Variants in PRKAG2 observed in about 807,000 individuals in gnomAD.
PRKAG2 encodes 5'-AMP-activated protein kinase subunit gamma-2.
Under a neutral mutation model 69.6 loss-of-function variants are expected in PRKAG2, and 26 were observed. The observed-to-expected ratio is 0.37, with a 90% CI of 0.27 to 0.52. PRKAG2 has a LOEUF of 0.52. Among genes scored for constraint, PRKAG2 ranks in the 20% least tolerant of loss-of-function variants. The probability of loss-of-function intolerance (pLI) is 0.90; values close to 1 mark genes in which losing one functional copy is unlikely to be tolerated. For missense variants in PRKAG2, 557 were observed against 740.0 expected (o/e 0.75, Z 2.87); for synonymous variants, 293 against 285.0 (o/e 1.03, Z -0.28).
At chr7:151,810,743 C>T (rs1332997307) in intron 1 of PRKAG2, 1 of 153,758 alleles carries the variant, frequency 6.5e-6, no homozygotes, top group Non-Finnish European at 1.5e-5. Flanking sequence ...AGATGGCAGA[C>T]TCCCTAAAAG....
chr7:151,589,942 A>G (rs1812651337), intron 6 of PRKAG2, among the ~76,000 whole-genome samples: 1 of 152,082 alleles, frequency 6.6e-6, no homozygotes, highest in South Asian at 2.1e-4. Context: ...CTTTAAAAAA[A>G]AGAAGAAGAA....
intron 3 of PRKAG2, among the ~76,000 whole-genome samples, chr7:151,726,199 C>T (rs73484158): frequency 0.028 from 4,295 of 152,138 alleles, 195 homozygotes; most frequent in African/African-American, 0.099. Flanking sequence ...TCAGAGGAAC[C>T]GAGGGCTTCA....
chr7:151,722,430 A>C (rs1273549925), intron 3 of PRKAG2, among the ~76,000 whole-genome samples: 1 of 152,166 alleles, frequency 6.6e-6, no homozygotes, highest in East Asian at 1.9e-4. Flanking sequence ...TGCCATTGGC[A>C]TCCTTTCCTC....
chr7:151,830,124 T>TA (rs1192515375), intron 1 of PRKAG2, among the ~76,000 whole-genome samples: 1 of 151,310 alleles, frequency 6.6e-6, no homozygotes, highest in Non-Finnish European at 1.5e-5. Context: ...CCTGGTTTTT[T>TA]TTTTTTTTTT....
intron 4 of PRKAG2, among the ~76,000 whole-genome samples, chr7:151,666,878 A>C (rs57950621): frequency 2.6e-5 from 4 of 152,228 alleles, no homozygotes; most frequent in African/African-American, 9.6e-5. Context: ...CCATAAATTT[A>C]AAAATGAAGG....
At chr7:151,651,682 G>A (rs941484027) in intron 4 of PRKAG2, among the ~76,000 whole-genome samples, 1 of 152,172 alleles carries the variant, frequency 6.6e-6, no homozygotes, top group Non-Finnish European at 1.5e-5. Flanking sequence ...AGTAGGCTCC[G>A]AAAAGTTCAA....
At chr7:151,666,834 A>G (rs978150187) in intron 4 of PRKAG2, among the ~76,000 whole-genome samples, 6 of 152,192 alleles carry the variant, frequency 3.9e-5, no homozygotes, top group African/African-American at 1.4e-4. Flanking sequence ...AAGAAATAGG[A>G]CAGCCCTTAT....
intron 4 of PRKAG2, among the ~76,000 whole-genome samples, chr7:151,657,597 C>A (rs1296058717): frequency 6.6e-6 from 1 of 152,204 alleles, no homozygotes; most frequent in Non-Finnish European, 1.5e-5. Context: ...TGGTTCTTAA[C>A]TTGCAAAATA....
chr7:151,783,470 A>G (rs2076835385), intron 2 of PRKAG2, among the ~76,000 whole-genome samples: 1 of 151,620 alleles, frequency 6.6e-6, no homozygotes, highest in Non-Finnish European at 1.5e-5. Context: ...CCTCCTGAGT[A>G]GCTGGGATTA....
chr7:151,764,606 C>T (rs1021361928), intron 3 of PRKAG2, among the ~76,000 whole-genome samples: 5 of 152,364 alleles, frequency 3.3e-5, no homozygotes, highest in African/African-American at 4.8e-5. Flanking sequence ...GGCTACACCA[C>T]GAGTGCTGTC....
chr7:151,801,004 T>C (rs985006794), intron 1 of PRKAG2, among the ~76,000 whole-genome samples: 1 of 152,124 alleles, frequency 6.6e-6, no homozygotes, highest in African/African-American at 2.4e-5. Flanking sequence ...CTAAAACTGC[T>C]CACAAGTAAA....
intron 1 of PRKAG2, among the ~76,000 whole-genome samples, chr7:151,865,802 G>A (rs1404602061): frequency 6.6e-6 from 1 of 152,184 alleles, no homozygotes; most frequent in African/African-American, 2.4e-5. Flanking sequence ...GGCGGATCAT[G>A]AGGTCAGGAG....
chr7:151,853,323 G>C (rs534217552), intron 1 of PRKAG2, among the ~76,000 whole-genome samples: 1 of 152,288 alleles, frequency 6.6e-6, no homozygotes, highest in South Asian at 2.1e-4. Flanking sequence ...CAAAATGACA[G>C]GTTTGTCAGA....
chr7:151,815,508 G>A (rs1404376360), intron 1 of PRKAG2, among the ~76,000 whole-genome samples: 1 of 152,144 alleles, frequency 6.6e-6, no homozygotes, highest in Non-Finnish European at 1.5e-5. Context: ...GACAGCCCCT[G>A]TACCCACAGT....
chr7:151,675,557 C>T lies in PRKAG2; in HGVS notation c.547G>A (p.Glu183Lys), dbSNP rs1131692281. The T allele has an allele frequency of 3.1e-6, 5 of 1,613,986 alleles. No individual in the cohort carries two copies. The highest frequency in any genetic ancestry group is 1.7e-5 in the Admixed American group (1 of 60,008). Residue 183 changes from glutamate (E) to lysine (K), a missense_variant, in exon 4 of 16, where the codon GAG becomes AAG. Around this residue, in one of 2 missense-constraint regions of PRKAG2, gnomAD observed 352 missense variants for 356.7 expected, o/e 0.99. Transcript: ENST00000287878. ...HTFPLESYKH[E>K]PERLENRIYA... ...ATGCGATTCTCTAACCGTTCAGGCT[C>T]GTGCTTATAGGATTCCAGGGGAAAC...
At position 151,833,211 on chromosome 7, in the gene PRKAG2, C is replaced by T. The variant is rs563882864; in HGVS notation, c.114+43296G>A. On this transcript the variant is annotated intron_variant, in intron 1 of 15. Coordinates refer to ENST00000287878, the MANE Select transcript of PRKAG2 (RefSeq NM_016203.4). ...TTGATTAGATGGTCACGGAAGGCCT[C>T]GTGGAGATCTGTGGGGTGGACCTGA... Among the ~76,000 whole-genome samples, 4 of 152,278 alleles carry T rather than the reference C, an allele frequency of 2.6e-5. No homozygotes were observed. The East Asian group carries it at 5.8e-4, about 22-fold the overall frequency.
chr7:151,832,595 T>TCG (rs10655534), intron 1 of PRKAG2, among the ~76,000 whole-genome samples: 5 of 141,792 alleles, frequency 3.5e-5, no homozygotes, highest in East Asian at 2.3e-4. Flanking sequence ...GAGGCATCTC[T>TCG]GGGGGGGGGG....
At chr7:151,833,380 G>A (rs547565082) in intron 1 of PRKAG2, among the ~76,000 whole-genome samples, 91 of 152,300 alleles carry the variant, frequency 6.0e-4, no homozygotes, top group African/African-American at 2.0e-3. Context: ...AGGGTGTGAC[G>A]AATGATGTTC....
intron 4 of PRKAG2, among the ~76,000 whole-genome samples, chr7:151,666,092 C>G (rs553445568): frequency 6.0e-4 from 91 of 152,260 alleles, no homozygotes; most frequent in Admixed American, 1.1e-3. Context: ...CCGGATGAAA[C>G]AAGTATTAGT....
Sources: gnomAD v4.1 joint callset for allele counts (sites outside exome capture counted in the v4.1 genomes callset) on GRCh38, gnomAD v4.1.1 for gene constraint, gnomAD v4.1.1 regional missense constraint, MANE v1.5 for transcripts, NCBI Gene and HGNC (gene_info 2026-07-23, HGNC 2026-07-21) for gene names.